Variants in SPRED1 observed in about 807,000 individuals in gnomAD.
SPRED1 encodes sprouty-related, EVH1 domain-containing protein 1.
SPRED1 carries 18 observed loss-of-function variants against 52.3 expected under a neutral mutation model. That is an observed-to-expected ratio of 0.34 (90% CI 0.24 to 0.51). The LOEUF is 0.51. Ranked by LOEUF, SPRED1 falls within the 20% of genes least tolerant of loss-of-function variation. The probability of loss-of-function intolerance (pLI) is 0.97; values close to 1 mark genes in which losing one functional copy is unlikely to be tolerated. For missense variants in SPRED1, 485 were observed against 551.0 expected (o/e 0.88, Z 1.20); for synonymous variants, 155 against 179.7 (o/e 0.86, Z 1.10).
At chr15:38,280,341 A>G (rs191147927) in intron 1 of SPRED1, among the ~76,000 whole-genome samples, 5 of 152,186 alleles carry the variant, frequency 3.3e-5, no homozygotes, top group Non-Finnish European at 7.4e-5. Context: ...CAAAAACACT[A>G]TTCAGATTCT....
At chr15:38,311,453 G>A (rs1454967975) in intron 2 of SPRED1, among the ~76,000 whole-genome samples, 1 of 151,994 alleles carries the variant, frequency 6.6e-6, no homozygotes, top group East Asian at 1.9e-4. Flanking sequence ...AAATAAGTTG[G>A]GAAGTACTCC....
intron 2 of SPRED1, among the ~76,000 whole-genome samples, chr15:38,304,917 T>G (rs867816825): frequency 6.6e-6 from 1 of 152,224 alleles, no homozygotes; most frequent in Non-Finnish European, 1.5e-5. Flanking sequence ...ATCTTTTCAG[T>G]CAATCTCTCA....
intron 6 of SPRED1, among the ~76,000 whole-genome samples, chr15:38,350,531 C>A (rs1190157094): frequency 6.6e-6 from 1 of 152,160 alleles, no homozygotes; most frequent in Non-Finnish European, 1.5e-5. Flanking sequence ...AAATCATGCC[C>A]TTCTCACTTG....
chr15:38,326,114 G>A (rs959572822), intron 4 of SPRED1: 9 of 152,168 alleles, frequency 5.9e-5, no homozygotes, highest in Non-Finnish European at 1.2e-4. Flanking sequence ...TGGATAGAGC[G>A]TCAGTGAGGG....
intron 1 of SPRED1, among the ~76,000 whole-genome samples, chr15:38,290,152 G>A (rs903664284): frequency 1.3e-5 from 2 of 152,050 alleles, no homozygotes; most frequent in African/African-American, 4.8e-5. Context: ...TCATATTAAT[G>A]TTGACTGCCT....
At chr15:38,339,157 T>G (rs2141007243) in intron 4 of SPRED1, among the ~76,000 whole-genome samples, 1 of 72,986 alleles carries the variant, frequency 1.4e-5, no homozygotes, top group South Asian at 6.4e-4. Context: ...GTTTATGACA[T>G]TTTAAGTGTC....
Position 38,287,418 on chromosome 15 carries a change from G to T in SPRED1, c.33-11955G>T, listed in dbSNP as rs187519856. ...CATACATCTCTTTCATTGTTTCTTT[G>T]ATCAAAATGTGTTTTTTCTTAAAAT... On this transcript the variant is annotated intron_variant, in intron 1 of 6. Transcript: ENST00000299084. 2.5e-3 allele frequency among the ~76,000 whole-genome samples: 385 copies of T among 151,860 alleles called. 1 individual carries two copies. The highest frequency in any genetic ancestry group is 9.0e-3 in the African/African-American group (373 of 41,368).
intron 1 of SPRED1, among the ~76,000 whole-genome samples, chr15:38,295,049 C>T (rs1327088378): frequency 2.0e-5 from 3 of 152,074 alleles, no homozygotes; most frequent in Non-Finnish European, 4.4e-5. Flanking sequence ...TATTTGAGTG[C>T]CAGTTGAGTG....
At chr15:38,314,636 G>T (rs767050294) in intron 2 of SPRED1, among the ~76,000 whole-genome samples, 1 of 151,828 alleles carries the variant, frequency 6.6e-6, no homozygotes, top group Non-Finnish European at 1.5e-5. Context: ...GTTTATTGGA[G>T]TATGGGAACT....
chr15:38,347,827 C>T (rs574238703), intron 5 of SPRED1, among the ~76,000 whole-genome samples: 2 of 151,840 alleles, frequency 1.3e-5, no homozygotes, highest in African/African-American at 2.4e-5. Context: ...GATAAATTTT[C>T]CTGAAGATTA....
At chr15:38,254,430 C>T (rs1384390684) in intron 1 of SPRED1, among the ~76,000 whole-genome samples, 2 of 152,056 alleles carry the variant, frequency 1.3e-5, no homozygotes, top group Non-Finnish European at 2.9e-5. Flanking sequence ...AGTGTCAGTG[C>T]AGTGTAGAAG....
chr15:38,313,445 G>T (rs1895409160), intron 2 of SPRED1, among the ~76,000 whole-genome samples: 1 of 151,710 alleles, frequency 6.6e-6, no homozygotes, highest in African/African-American at 2.4e-5. Context: ...ATTCATCCTT[G>T]CCCAGAATAT....
At chr15:38,267,580 T>G (rs749034224) in intron 1 of SPRED1, among the ~76,000 whole-genome samples, 1 of 152,230 alleles carries the variant, frequency 6.6e-6, no homozygotes, top group Non-Finnish European at 1.5e-5. Flanking sequence ...TGGTTTTATG[T>G]AGCTCTCAGT....
At chr15:38,307,124 T>C (rs112753835) in intron 2 of SPRED1, among the ~76,000 whole-genome samples, 146 of 152,342 alleles carry the variant, frequency 9.6e-4, no homozygotes, top group African/African-American at 3.2e-3. Flanking sequence ...ACCATACTTA[T>C]TAGCTTTCCA....
intron 1 of SPRED1, among the ~76,000 whole-genome samples, chr15:38,286,213 C>T (rs1053640997): frequency 2.2e-5 from 3 of 136,900 alleles, no homozygotes; most frequent in Non-Finnish European, 3.1e-5. Flanking sequence ...TCATGCCAAC[C>T]GCACTCCAGC....
In SPRED1 at chr15:38,298,796, G is replaced by A. The variant is rs187968416; in HGVS notation, c.33-577G>A. On this transcript the variant is annotated intron_variant, in intron 1 of 6. Transcript: ENST00000299084. The stretch of plus-strand genomic sequence containing the variant: ...ACAGTTTCTACAGACCAATTTGCTT[G>A]TTAAGTAATCTAAGCATAACACTTT... 5.3e-5 allele frequency among the ~76,000 whole-genome samples: 8 copies of A among 152,260 alleles called. No individual in the cohort carries two copies. The East Asian group carries it at 1.3e-3, about 26-fold the overall frequency.
chr15:38,272,652 A>G (rs1263081135), intron 1 of SPRED1, among the ~76,000 whole-genome samples: 1 of 152,214 alleles, frequency 6.6e-6, no homozygotes, highest in Non-Finnish European at 1.5e-5. Flanking sequence ...CATTCCCAGC[A>G]TTGTGTAAGT....
intron 4 of SPRED1, among the ~76,000 whole-genome samples, chr15:38,325,136 A>G (rs1453146208): frequency 1.3e-5 from 2 of 151,952 alleles, no homozygotes; most frequent in African/African-American, 2.4e-5. Flanking sequence ...CCTGGCCCCA[A>G]AATCCGAAAC....
intron 4 of SPRED1, among the ~76,000 whole-genome samples, chr15:38,328,563 A>G (rs898419624): frequency 1.3e-5 from 2 of 152,222 alleles, no homozygotes; most frequent in Non-Finnish European, 2.9e-5. Flanking sequence ...GATGTGTAGT[A>G]TAGTGCTAAT....
Sources: allele counts gnomAD v4.1 joint callset (sites outside exome capture counted in the v4.1 genomes callset), GRCh38; gene constraint gnomAD v4.1.1; transcripts MANE v1.5; gene names NCBI Gene and HGNC (gene_info 2026-07-23, HGNC 2026-07-21).